Variants in KIZ observed in about 807,000 individuals in gnomAD.
KIZ encodes the protein centrosomal protein kizuna.
Under a neutral mutation model 79.6 loss-of-function variants are expected in KIZ, and 68 were observed. The ratio of observed to expected loss-of-function variants is 0.85; its 90% CI spans 0.70 to 1.05. KIZ has a LOEUF of 1.05. Ranked by LOEUF, KIZ falls within the 50% of genes least tolerant of loss-of-function variation. The pLI, the probability that KIZ is intolerant of heterozygous loss-of-function variation, is 0.00. For missense variants in KIZ, 797 were observed against 800.4 expected, an observed-to-expected ratio of 1.00 and a Z score of 0.05; for synonymous variants, 280 against 281.8, an observed-to-expected ratio of 0.99 and a Z score of 0.06.
At chr20:21,158,406 G>C (rs958522871) in intron 4 of KIZ, 1 of 152,156 alleles carries the variant, frequency 6.6e-6, no homozygotes, top group Admixed American at 6.5e-5. Context: ...TGATAAACTT[G>C]CCTGTGTGCA....
At chr20:21,146,763 G>A (rs79482283) in intron 4 of KIZ, among the ~76,000 whole-genome samples, 7 of 151,956 alleles carry the variant, frequency 4.6e-5, no homozygotes, top group East Asian at 3.9e-4. Flanking sequence ...TCTTTCTTCC[G>A]TGCATTAGCA....
chr20:21,126,182 C>T lies in KIZ; in HGVS notation c.67C>T (p.Leu23Phe). ...CGACTACTACGAGAGGCTGGGCCAACTCCAGCACGGGCTGCGGGACAGGTA... is the reference window on the plus strand; with the variant it reads ...CGACTACTACGAGAGGCTGGGCCAATTCCAGCACGGGCTGCGGGACAGGTA... ...SPDYYERLGQ[L>F]QHGLRDSEKK... The change falls in exon 1 of 13, where the codon CTC (leucine) becomes TTC (phenylalanine). Residue 23 changes from leucine (L) to phenylalanine (F), a missense_variant. Coordinates refer to ENST00000619189, the MANE Select transcript of KIZ (RefSeq NM_018474.6). 1 of 1,492,976 alleles carries T rather than the reference C, an allele frequency of 6.7e-7. No individual in the cohort carries two copies. The highest frequency in any genetic ancestry group is 8.9e-7 in the Non-Finnish European group (1 of 1,117,798). The allele number at this position is 1,492,976 out of a possible 1,614,324, so 92.5% of individuals were successfully genotyped here.
intron 6 of KIZ, among the ~76,000 whole-genome samples, chr20:21,163,379 A>G (rs575897469): frequency 2.0e-5 from 3 of 152,198 alleles, no homozygotes; most frequent in African/African-American, 7.2e-5. Context: ...AAAAACTTTA[A>G]AAGTTTGAAT....
At position 21,136,564 on chromosome 20, in the gene KIZ, T is replaced by C; in HGVS notation, c.315+12T>C. ...TTCAAAAACTGAAGGTGACTTCCTG[T>C]TTTTTACTGTGTTTTATTTTATTTG... On this transcript the variant is annotated intron_variant, in intron 3 of 12. Transcript: ENST00000619189. The C allele has an allele frequency of 6.6e-7, 1 of 1,525,530 alleles. No individual in the cohort carries two copies. The highest frequency in any genetic ancestry group is 2.3e-5 in the Admixed American group (1 of 42,714). The allele number at this position is 1,525,530 out of a possible 1,614,324, so 94.5% of individuals were successfully genotyped here.
chr20:21,192,546 GACA>G (rs2035158802), intron 6 of KIZ, among the ~76,000 whole-genome samples: 2 of 152,176 alleles, frequency 1.3e-5, no homozygotes, highest in South Asian at 2.1e-4. Flanking sequence ...AAAATATAGT[GACA>G]ACATTTTATA....
At chr20:21,191,930 G>A (rs1350429800) in intron 6 of KIZ, among the ~76,000 whole-genome samples, 1 of 152,006 alleles carries the variant, frequency 6.6e-6, no homozygotes, top group Non-Finnish European at 1.5e-5. Flanking sequence ...GCAGCCCGGA[G>A]CTCCCTTATC....
chr20:21,216,729 A>G (rs898996300), intron 9 of KIZ, among the ~76,000 whole-genome samples: 1 of 152,176 alleles, frequency 6.6e-6, no homozygotes, highest in Admixed American at 6.5e-5. Context: ...TCATTTGGAT[A>G]CTTTTCTCTT....
Position 21,162,301 on chromosome 20 carries a change from G to C in KIZ, c.836G>C (p.Arg279Pro). Residue 279 changes from arginine to proline, a missense_variant, in exon 5 of 13, where the codon CGG (arginine) becomes CCG (proline). Arg to Pro is a moderately radical substitution (Grantham distance 103, BLOSUM62 -2). Transcript: ENST00000619189. ...KKSAELNSPL[R>P]ERLSPENRTT... ...TCTGCTGAACTCAATTCCCCGTTAC[G>C]GGAAAGATTAAGTCCAGAGAACAGA... 6.2e-7 allele frequency: 1 copy of C among 1,613,802 alleles called. No homozygotes were observed.
intron 4 of KIZ, among the ~76,000 whole-genome samples, chr20:21,150,196 T>G (rs1173004268): frequency 2.0e-5 from 3 of 151,908 alleles, no homozygotes; most frequent in African/African-American, 7.3e-5. Flanking sequence ...AGAGAAACGC[T>G]TGGGCCAAGA....
At chr20:21,212,368 A>T (rs952797947) in intron 7 of KIZ, among the ~76,000 whole-genome samples, 1 of 152,204 alleles carries the variant, frequency 6.6e-6, no homozygotes, top group African/African-American at 2.4e-5. Flanking sequence ...AGTGGTGTGA[A>T]AGTGTTAGGC....
Position 21,162,176 on chromosome 20 carries a change from A to T in KIZ, c.711A>T (p.Pro237=). 1 of 1,611,170 alleles carries T rather than the reference A, an allele frequency of 6.2e-7. No individual in the cohort carries two copies. Among genetic ancestry groups the T allele is most frequent in the Non-Finnish European group, 8.5e-7 (1 of 1,178,340 alleles). ...KASLQIGEKM[P]VTASVLSEEE... ...CTCTTCAGATTGGTGAGAAAATGCCAGTCACAGCCAGTGTATTGTCTGAGG... is the reference window on the plus strand; with the variant it reads ...CTCTTCAGATTGGTGAGAAAATGCCTGTCACAGCCAGTGTATTGTCTGAGG... The change falls in exon 5 of 13, where the codon CCA becomes CCT. Residue 237 remains proline (P), a synonymous_variant. Transcript: ENST00000619189.
intron 4 of KIZ, among the ~76,000 whole-genome samples, chr20:21,146,500 A>C (rs926063091): frequency 6.6e-6 from 1 of 152,194 alleles, no homozygotes; most frequent in Non-Finnish European, 1.5e-5. Context: ...TGTGTGTGCT[A>C]CAGATTGATA....
At chr20:21,197,248 T>C (rs763466544) in intron 6 of KIZ, 2 of 152,232 alleles carry the variant, frequency 1.3e-5, no homozygotes, top group Non-Finnish European at 2.9e-5. Context: ...TAGACTCTTA[T>C]CACTTACTCA....
At chr20:21,193,692 C>T (rs2035211184) in intron 6 of KIZ, among the ~76,000 whole-genome samples, 1 of 151,860 alleles carries the variant, frequency 6.6e-6, no homozygotes, top group African/African-American at 2.4e-5. Flanking sequence ...ATGATGAGTT[C>T]ATGTCCTTTG....
At chr20:21,212,532 A>C (rs2036110878) in intron 7 of KIZ, among the ~76,000 whole-genome samples, 1 of 152,250 alleles carries the variant, frequency 6.6e-6, no homozygotes, top group African/African-American at 2.4e-5. Context: ...GCAAAGCTTA[A>C]CTATGATGTT....
chr20:21,168,728 AAC>A (rs2034069586), intron 6 of KIZ, among the ~76,000 whole-genome samples: 2 of 152,310 alleles, frequency 1.3e-5, no homozygotes, highest in South Asian at 4.1e-4. Context: ...CTGGTACCAA[AAC>A]AGAGATATAG....
At position 21,214,685 on chromosome 20, in the gene KIZ, C is replaced by T; in HGVS notation, c.1597C>T (p.Pro533Ser). 1 of 1,611,336 alleles carries T rather than the reference C, an allele frequency of 6.2e-7. No individual in the cohort carries two copies. Among genetic ancestry groups the T allele is most frequent in the Non-Finnish European group, 8.5e-7 (1 of 1,177,838 alleles). The change falls in exon 8 of 13, where the codon CCT (proline) becomes TCT (serine). Residue 533 changes from proline to serine, a missense_variant. Transcript: ENST00000619189. Reference protein sequence around the residue: ...AKPAVWLNSVPTREQEVSSGC... With the variant: ...AKPAVWLNSVSTREQEVSSGC... ...ACCTGCTGTATGGCTCAACAGTGTT[C>T]CTACAAGGGAACAAGGTAACTATTG...
chr20:21,134,924 C>G (rs1309860063), intron 2 of KIZ, among the ~76,000 whole-genome samples: 2 of 152,052 alleles, frequency 1.3e-5, no homozygotes, highest in Non-Finnish European at 2.9e-5. Context: ...ACCTCGGCCT[C>G]CCAAAATGCT....
chr20:21,209,101 G>A (rs561666979), intron 7 of KIZ, among the ~76,000 whole-genome samples: 2 of 152,270 alleles, frequency 1.3e-5, no homozygotes, highest in South Asian at 4.1e-4. Flanking sequence ...TTAAAAAGCC[G>A]CATGTAAATG....
Sources: allele counts gnomAD v4.1 joint callset (sites outside exome capture counted in the v4.1 genomes callset), GRCh38; gene constraint gnomAD v4.1.1; transcripts MANE v1.5; gene names NCBI Gene and HGNC (gene_info 2026-07-23, HGNC 2026-07-21).